PPP1R12A: variants seen among roughly 807,000 people sequenced by gnomAD.
The protein encoded by PPP1R12A is protein phosphatase 1 regulatory subunit 12A, also known as myosin binding subunit.
Under a neutral mutation model 139.6 loss-of-function variants are expected in PPP1R12A, and 19 were observed. The ratio of observed to expected loss-of-function variants is 0.14; its 90% CI spans 0.09 to 0.20. The LOEUF (loss-of-function observed/expected upper bound fraction) is 0.20. Among genes scored for constraint, PPP1R12A ranks in the 10% least tolerant of loss-of-function variants. PPP1R12A has a pLI of 1.00. For missense variants in PPP1R12A, 925 were observed against 1,211.5 expected, an observed-to-expected ratio of 0.76 and a Z score of 3.51; for synonymous variants, 427 against 420.6, an observed-to-expected ratio of 1.02 and a Z score of -0.19.
chr12:79,898,469 T>C (rs1885334542), intron 1 of PPP1R12A, among the ~76,000 whole-genome samples: 1 of 151,860 alleles, frequency 6.6e-6, no homozygotes, highest in East Asian at 1.9e-4. Flanking sequence ...AACAAATAAA[T>C]ATCCAATAGC....
chr12:79,822,146 A>G lies in PPP1R12A; in HGVS notation c.837T>C (p.Tyr279=), dbSNP rs188719862. The change falls in exon 6 of 25, where the codon TAT becomes TAC. Residue 279 remains tyrosine, a synonymous_variant. Transcript: ENST00000450142. ...TTTGTTTCTTTTGCAACTCTTCTAAATATCCTAAAATGTCTTCATCTGCTA... is the reference window on the plus strand; with the variant it reads ...TTTGTTTCTTTTGCAACTCTTCTAAGTATCCTAAAATGTCTTCATCTGCTA... ...FDVADEDILG[Y]LEELQKKQNL... 2.4e-5 allele frequency: 38 copies of G among 1,587,324 alleles called. No homozygotes were observed. In the African/African-American group the frequency reaches 4.8e-4, roughly 20 times the overall value.
At chr12:79,895,846 T>C (rs920886494) in intron 1 of PPP1R12A, among the ~76,000 whole-genome samples, 2 of 152,214 alleles carry the variant, frequency 1.3e-5, no homozygotes, top group African/African-American at 2.4e-5. Flanking sequence ...ATTAAATATA[T>C]GATTTTAACA....
At chr12:79,846,399 C>G (rs1440406196) in intron 2 of PPP1R12A, among the ~76,000 whole-genome samples, 1 of 151,904 alleles carries the variant, frequency 6.6e-6, no homozygotes, top group African/African-American at 2.4e-5. Flanking sequence ...AACGATGTAA[C>G]TAACCATCTA....
intron 1 of PPP1R12A, among the ~76,000 whole-genome samples, chr12:79,891,934 G>A (rs1170692675): frequency 6.6e-6 from 1 of 152,096 alleles, no homozygotes; most frequent in Non-Finnish European, 1.5e-5. Flanking sequence ...CCAATAGCTC[G>A]AGGAAAATAT....
At chr12:79,869,604 G>A (rs1022280143) in intron 2 of PPP1R12A, among the ~76,000 whole-genome samples, 7 of 152,138 alleles carry the variant, frequency 4.6e-5, no homozygotes. Context: ...AAACTATTAC[G>A]AAGAAAGGCA....
chr12:79,819,712 T>A (rs990612150), intron 8 of PPP1R12A, among the ~76,000 whole-genome samples: 5 of 151,896 alleles, frequency 3.3e-5, no homozygotes, highest in Admixed American at 2.6e-4. Context: ...GAGGCTGAGG[T>A]GGGAGAATTG....
chr12:79,906,843 G>A (rs1034027520), intron 1 of PPP1R12A, among the ~76,000 whole-genome samples: 2 of 151,998 alleles, frequency 1.3e-5, no homozygotes, highest in African/African-American at 2.4e-5. Flanking sequence ...AAAGGATTTC[G>A]CCATGTTGAC....
chr12:79,816,652 T>C (rs557082637), intron 9 of PPP1R12A, among the ~76,000 whole-genome samples: 16 of 152,144 alleles, frequency 1.1e-4, no homozygotes, highest in Non-Finnish European at 1.6e-4. Context: ...ATGAGAGGGA[T>C]GGAGAACAGA....
intron 11 of PPP1R12A, 101 bp from the exon 12 acceptor site, chr12:79,807,431 A>T: frequency 1.4e-6 from 1 of 709,846 alleles, no homozygotes; most frequent in South Asian, 1.7e-5. Context: ...ACTAGTAAAA[A>T]CCTTTGGGAG....
chr12:79,847,593 T>C (rs2656028), intron 2 of PPP1R12A, among the ~76,000 whole-genome samples: 12,047 of 152,206 alleles, frequency 0.079, 796 homozygotes, highest in East Asian at 0.33. Flanking sequence ...GGCACTATGT[T>C]ACATACCAGG....
intron 3 of PPP1R12A, among the ~76,000 whole-genome samples, chr12:79,843,416 A>G (rs527857856): frequency 6.6e-6 from 1 of 151,836 alleles, no homozygotes; most frequent in Non-Finnish European, 1.5e-5. Flanking sequence ...TCTCTACTAA[A>G]AATACAAAAA....
At chr12:79,881,366 G>A (rs1883621124) in intron 1 of PPP1R12A, among the ~76,000 whole-genome samples, 1 of 152,190 alleles carries the variant, frequency 6.6e-6, no homozygotes, top group African/African-American at 2.4e-5. Context: ...CAAATGGTAA[G>A]AAAGCAAAGC....
chr12:79,868,872 T>G (rs1228276575), intron 2 of PPP1R12A, among the ~76,000 whole-genome samples: 1 of 152,198 alleles, frequency 6.6e-6, no homozygotes, highest in Non-Finnish European at 1.5e-5. Context: ...TACATTTTAG[T>G]ACCTGACCTG....
rs1876011550 is a variant in PPP1R12A at position 79,820,769 on chromosome 12, T to C, written c.1114+5A>G. On this transcript the variant is annotated splice_donor_5th_base_variant and intron_variant, in intron 8 of 24. Coordinates refer to ENST00000450142, the MANE Select transcript of PPP1R12A (RefSeq NM_002480.3). ...AACGAAAATGCATTTATCTTTTAAT[T>C]TTACCTGTTTCAGCTTCTGATTCCG... 6.2e-6 allele frequency: 10 copies of C among 1,609,182 alleles called. No homozygotes were observed. Among genetic ancestry groups the C allele is most frequent in the Admixed American group, 3.4e-5 (2 of 58,976 alleles).
intron 1 of PPP1R12A, among the ~76,000 whole-genome samples, chr12:79,891,511 G>A (rs1272363506): frequency 1.3e-5 from 2 of 152,102 alleles, no homozygotes; most frequent in African/African-American, 4.8e-5. Context: ...TAAGTACATG[G>A]CAATGTAAAT....
At chr12:79,795,565 AGTAT>A in intron 18 of PPP1R12A, 69 bp downstream of exon 18, 1 of 1,395,002 alleles carries the variant, frequency 7.2e-7, no homozygotes. Context: ...AGAAATTATT[AGTAT>A]GTATTTTTGG....
intron 2 of PPP1R12A, among the ~76,000 whole-genome samples, chr12:79,868,399 G>A (rs1294257090): frequency 3.3e-5 from 5 of 152,116 alleles, no homozygotes; most frequent in African/African-American, 1.2e-4. Flanking sequence ...ATGTGATAGT[G>A]GAAAGTTTAT....
intron 4 of PPP1R12A, 49 bp downstream of exon 4, chr12:79,832,283 T>G (rs1877522184): frequency 1.3e-6 from 2 of 1,509,388 alleles, no homozygotes; most frequent in African/African-American, 2.8e-5. Context: ...GAACAATGAA[T>G]AAAGAAGACA....
chr12:79,795,406 T>G (rs1252172309), intron 18 of PPP1R12A, among the ~76,000 whole-genome samples: 1 of 152,164 alleles, frequency 6.6e-6, no homozygotes. Context: ...TCAGACATTA[T>G]TATTTCTATT....
Sources: allele counts gnomAD v4.1 joint callset (sites outside exome capture counted in the v4.1 genomes callset), GRCh38; gene constraint gnomAD v4.1.1; transcripts MANE v1.5; gene names NCBI Gene and HGNC (gene_info 2026-07-23, HGNC 2026-07-21).